NACC2: variants seen among roughly 807,000 people sequenced by gnomAD.
The protein encoded by NACC2 is nucleus accumbens-associated protein 2.
NACC2 carries 8 observed loss-of-function variants against 25.1 expected under a neutral mutation model. The observed-to-expected ratio is 0.32, with a 90% CI of 0.19 to 0.57. The LOEUF is 0.57. Among genes scored for constraint, NACC2 ranks in the 20% least tolerant of loss-of-function variants. NACC2 has a pLI of 0.89. For missense variants in NACC2, 644 were observed against 650.2 expected (o/e 0.99, Z 0.10); for synonymous variants, 435 against 294.7 (o/e 1.48, Z -4.88).
intron 1 of NACC2, among the ~76,000 whole-genome samples, chr9:136,060,313 C>A (rs951889652): frequency 6.6e-6 from 1 of 152,250 alleles, no homozygotes; most frequent in Non-Finnish European, 1.5e-5. Flanking sequence ...CTGCACTTGG[C>A]TTTGGGATCA....
At chr9:136,056,972 G>A (rs1337887615) in intron 1 of NACC2, among the ~76,000 whole-genome samples, 1 of 152,218 alleles carries the variant, frequency 6.6e-6, no homozygotes, top group African/African-American at 2.4e-5. Flanking sequence ...TAGAGGGGAT[G>A]AAGCCAGGGA....
chr9:136,038,346 G>T (rs1840583693), intron 2 of NACC2, among the ~76,000 whole-genome samples: 1 of 152,084 alleles, frequency 6.6e-6, no homozygotes. Flanking sequence ...GACCAGCCTG[G>T]GCAACGTGCT....
intron 2 of NACC2, among the ~76,000 whole-genome samples, chr9:136,032,236 T>A (rs1012836143): frequency 2.6e-5 from 4 of 152,194 alleles, no homozygotes; most frequent in Non-Finnish European, 5.9e-5. Context: ...CACAACTCAG[T>A]TGAATTTATT....
intron 2 of NACC2, among the ~76,000 whole-genome samples, chr9:136,026,604 TG>T (rs1840394543): frequency 6.6e-6 from 1 of 151,888 alleles, no homozygotes; most frequent in African/African-American, 2.4e-5. Context: ...GTGAAAAGCA[TG>T]GGGAAAAAAT....
In NACC2 at chr9:136,018,135, G is replaced by A. The variant is rs1043035648; in HGVS notation, c.887-1706C>T. On this transcript the variant is annotated intron_variant, in intron 2 of 5. Transcript: ENST00000277554. This position sits in a 1 kb window ranked among gnomAD's most constrained non-coding sequence, Gnocchi z 4.4. The stretch of plus-strand genomic sequence containing the variant: ...GCAGCTCCATGCAGAGCCCACCTGC[G>A]GCCGCACCGCACCAGGACGCTCAGA... Among the ~76,000 whole-genome samples, 12 of 152,260 alleles carry A rather than the reference G, an allele frequency of 7.9e-5. No homozygotes were observed. In the South Asian group the frequency reaches 1.0e-3, roughly 13 times the overall value.
In NACC2 at chr9:136,050,048, G is replaced by A. The variant is rs1389743856; in HGVS notation, c.474C>T (p.Pro158=). 5 of 721,170 alleles carry A rather than the reference G, an allele frequency of 6.9e-6. No individual in the cohort carries two copies. The highest frequency in any genetic ancestry group is 1.7e-5 in the African/African-American group (1 of 58,508). The allele number at this position is 721,170 out of a possible 1,614,324, so 44.7% of individuals were successfully genotyped here. A position where few individuals can be genotyped will look rare whatever the true frequency, so the allele number is the denominator to read the frequency against. Residue 158 remains proline, a synonymous_variant, in exon 2 of 6, where the codon CCC becomes CCT. Transcript: ENST00000277554. ...QLQPAAAAAA[P]YVVSPSVPIP... Reference sequence around the variant, plus strand: ...TGGGCACCGAGGGGGACACGACGTAGGGGGCCGCGGCGGCGGCGGCCGGCT... The same window carrying A: ...TGGGCACCGAGGGGGACACGACGTAAGGGGCCGCGGCGGCGGCGGCCGGCT...
chr9:136,059,653 C>T (rs1424384152), intron 1 of NACC2, among the ~76,000 whole-genome samples: 1 of 152,230 alleles, frequency 6.6e-6, no homozygotes, highest in Non-Finnish European at 1.5e-5. Flanking sequence ...CCGGGACTTC[C>T]AGCCGGCCAC....
chr9:136,085,290 C>T (rs1830367448), intron 1 of NACC2, among the ~76,000 whole-genome samples: 1 of 150,874 alleles, frequency 6.6e-6, no homozygotes, highest in African/African-American at 2.4e-5. Flanking sequence ...GCTGGGATTA[C>T]AGGTGTGAAC....
In NACC2 at chr9:136,050,310, C is replaced by A; in HGVS notation, c.212G>T (p.Gly71Val). Residue 71 changes from glycine to valine, a missense_variant, in exon 2 of 6, where the codon GGC (glycine) becomes GTC (valine). Transcript: ENST00000277554. ...CTGGAAGCAGGCGGGCGGCACGGAG[C>A]CGGGCAGCTCGAAGGCGCTCTTGCT... ...GNSKSAFELPGSVPPACFQQI... is the reference protein window; with the variant it reads ...GNSKSAFELPVSVPPACFQQI... The A allele has an allele frequency of 1.3e-6, 1 of 740,898 alleles. No individual in the cohort carries two copies. Among genetic ancestry groups the A allele is most frequent in the South Asian group, 1.4e-5 (1 of 70,744 alleles). The allele number at this position is 740,898 out of a possible 1,614,324, so 45.9% of individuals were successfully genotyped here.
intron 1 of NACC2, among the ~76,000 whole-genome samples, chr9:136,090,455 A>G (rs1293511639): frequency 6.6e-6 from 1 of 152,004 alleles, no homozygotes; most frequent in Non-Finnish European, 1.5e-5. Flanking sequence ...GCCCCAGGAC[A>G]GTAGGGGTGG....
At chr9:136,072,317 GAGC>G (rs1462873153) in intron 1 of NACC2, among the ~76,000 whole-genome samples, 1 of 152,076 alleles carries the variant, frequency 6.6e-6, no homozygotes, top group African/African-American at 2.4e-5. Flanking sequence ...AGGCCACGGT[GAGC>G]AGATCACTTG....
chr9:136,033,827 C>T lies in NACC2; in HGVS notation c.886+15809G>A, dbSNP rs968431699. On this transcript the variant is annotated intron_variant, in intron 2 of 5. Coordinates refer to ENST00000277554, the MANE Select transcript of NACC2 (RefSeq NM_144653.5). Reference sequence around the variant, plus strand: ...CGCCCATGGATTGGAAGACCCAATACGGTAAAAATGTCAGGTCACCCCGCA... The same window carrying T: ...CGCCCATGGATTGGAAGACCCAATATGGTAAAAATGTCAGGTCACCCCGCA... 4.6e-5 allele frequency among the ~76,000 whole-genome samples: 7 copies of T among 151,096 alleles called. No homozygotes were observed. The East Asian group carries it at 9.7e-4, about 21-fold the overall frequency.
chr9:136,091,336 C>A (rs1427987977), intron 1 of NACC2, among the ~76,000 whole-genome samples: 1 of 152,218 alleles, frequency 6.6e-6, no homozygotes, highest in Non-Finnish European at 1.5e-5. Flanking sequence ...ACGGGTTCCT[C>A]ACTCAAGGTC....
rs1274618454 is a variant in NACC2 at position 136,050,563 on chromosome 9, G to A, written c.-42C>T. 15 of 732,042 alleles carry A rather than the reference G, an allele frequency of 2.0e-5. No homozygotes were observed. The highest frequency in any genetic ancestry group is 1.5e-4 in the Admixed American group (8 of 54,402). 45.3% of individuals were successfully genotyped at this position (732,042 alleles called of 1,614,324 possible). On this transcript the variant is annotated 5_prime_UTR_variant, in exon 2 of 6. Coordinates refer to ENST00000277554, the MANE Select transcript of NACC2 (RefSeq NM_144653.5). ...CGGGGCTGGGCTCTCAGCGCGGGGC[G>A]GCCCTAGCGGGGCTCATCTGTGGGG...
At chr9:136,042,687 CACACAG>C (rs1227830111) in intron 2 of NACC2, among the ~76,000 whole-genome samples, 58 of 151,294 alleles carry the variant, frequency 3.8e-4, no homozygotes, top group African/African-American at 1.0e-3. Context: ...CAGACATACA[CACACAG>C]ACACACACAC....
chr9:136,021,377 C>T (rs751667210), intron 2 of NACC2, among the ~76,000 whole-genome samples: 5 of 152,144 alleles, frequency 3.3e-5, no homozygotes, highest in East Asian at 3.8e-4. Context: ...CAAGTGCCGG[C>T]GAGGATGCGG....
chr9:136,040,677 T>C (rs1369527104), intron 2 of NACC2, among the ~76,000 whole-genome samples: 3 of 152,068 alleles, frequency 2.0e-5, no homozygotes, highest in Non-Finnish European at 4.4e-5. Context: ...ACAAGAAAAA[T>C]GGCCAGGCGC....
rs1396019088 is a variant in NACC2, at chr9:136,007,472, CACAG to C, written c.*4040_*4043del. 2.6e-5 allele frequency: 4 copies of C among 151,080 alleles called. No individual in the cohort carries two copies. The highest frequency in any genetic ancestry group is 6.0e-5 in the Non-Finnish European group (4 of 66,700). 9.4% of individuals were successfully genotyped at this position (151,080 alleles called of 1,614,324 possible). On this transcript the variant is annotated 3_prime_UTR_variant, in exon 6 of 6. Transcript: ENST00000277554. The stretch of plus-strand genomic sequence containing the variant: ...ACACACGCGCACACAGACGCACACA[CACAG>C]ACGCACACACGCACAGACACACACA...
Position 136,019,097 on chromosome 9 carries a change from G to C in NACC2, c.887-2668C>G, listed in dbSNP as rs1329000336. ...CTGCTGGCTAAAAACACCCCGCCCC[G>C]AGTGGAAGCTCGTCCGCAAAGGTGC... On this transcript the variant is annotated intron_variant, in intron 2 of 5. Coordinates refer to ENST00000277554, the MANE Select transcript of NACC2 (RefSeq NM_144653.5). The surrounding 1 kb of genome is among the most constrained non-coding windows in gnomAD (Gnocchi z 5.2). 1 of 151,900 alleles carries C rather than the reference G, an allele frequency of 6.6e-6. No homozygotes were observed. Among genetic ancestry groups the C allele is most frequent in the Non-Finnish European group, 1.5e-5 (1 of 67,982 alleles). 9.4% of individuals were successfully genotyped at this position (151,900 alleles called of 1,614,324 possible).
Sources: allele counts gnomAD v4.1 joint callset (sites outside exome capture counted in the v4.1 genomes callset), GRCh38; gene constraint gnomAD v4.1.1; non-coding constraint Gnocchi (gnomAD v3.1); transcripts MANE v1.5; gene names NCBI Gene and HGNC (gene_info 2026-07-23, HGNC 2026-07-21).